The following ZNF385D variants were observed in gnomAD, a reference collection of about 807,000 sequenced individuals.
ZNF385D encodes the protein zinc finger protein 385D, also known as zinc finger protein 659.
Under a neutral mutation model 35.8 loss-of-function variants are expected in ZNF385D, and 15 were observed. The observed-to-expected ratio is 0.42, with a 90% confidence interval of 0.28 to 0.64. The LOEUF is 0.64. Among genes scored for constraint, ZNF385D ranks in the 30% least tolerant of loss-of-function variants. The probability of loss-of-function intolerance (pLI) is 0.23; values close to 1 mark genes in which losing one functional copy is unlikely to be tolerated. For synonymous variants in ZNF385D, 212 were observed against 186.8 expected (o/e 1.13, Z -1.10); for missense variants, 474 against 494.6 (o/e 0.96, Z 0.39).
chr3:21,870,106 A>T (rs1390409951), intron 3 of ZNF385D, among the ~76,000 whole-genome samples: 10 of 152,106 alleles, frequency 6.6e-5, no homozygotes, highest in Non-Finnish European at 1.2e-4. Context: ...ATACACTAAA[A>T]ATGTATAACT....
chr3:21,643,270 C>A (rs898760351), intron 2 of ZNF385D, among the ~76,000 whole-genome samples: 1 of 152,038 alleles, frequency 6.6e-6, no homozygotes, highest in African/African-American at 2.4e-5. Flanking sequence ...AACACCAATC[C>A]TTGGGGTGAA....
chr3:21,753,947 T>G (rs1018888461), upstream of ZNF385D, among the ~76,000 whole-genome samples: 3 of 152,224 alleles, frequency 2.0e-5, no homozygotes, highest in Non-Finnish European at 4.4e-5. Flanking sequence ...TTTGTTTTTA[T>G]GTACCTGGCT....
rs559149624 is a variant in ZNF385D, at chr3:22,172,606, G to A, written c.107-3571C>T. Among the ~76,000 whole-genome samples, 12 of 152,234 alleles carry A rather than the reference G, an allele frequency of 7.9e-5. No homozygotes were observed. In the South Asian group the frequency reaches 1.9e-3, roughly 24 times the overall value. On this transcript the variant is annotated intron_variant, in intron 2 of 5. Coordinates refer to the ZNF385D transcript ENST00000494108. ...CACGCCACCCCTGGCATGGGTCTCT[G>A]CTGGACCCTACAATTCGTGTAACCT... is the stretch of plus-strand genomic sequence containing the variant.
At chr3:21,706,121 A>G (rs1418295865) in intron 1 of ZNF385D, among the ~76,000 whole-genome samples, 1 of 152,236 alleles carries the variant, frequency 6.6e-6, no homozygotes, top group Non-Finnish European at 1.5e-5. Flanking sequence ...CATTGGTTAC[A>G]GGACTAATAA....
At chr3:22,133,170 G>A (rs150158234) in intron 3 of ZNF385D, among the ~76,000 whole-genome samples, 1 of 152,120 alleles carries the variant, frequency 6.6e-6, no homozygotes, top group Non-Finnish European at 1.5e-5. Flanking sequence ...CCTTCCTGGA[G>A]ATATAAACAA....
intron 4 of ZNF385D, among the ~76,000 whole-genome samples, chr3:21,468,496 A>G (rs949817057): frequency 1.2e-4 from 18 of 152,006 alleles, no homozygotes; most frequent in African/African-American, 3.9e-4. Flanking sequence ...ATGCATCACC[A>G]TGTAAATGGG....
chr3:21,464,027 T>C (rs564545196), intron 4 of ZNF385D, among the ~76,000 whole-genome samples: 1 of 152,262 alleles, frequency 6.6e-6, no homozygotes, highest in East Asian at 1.9e-4. Context: ...CTGAGGTAAA[T>C]GCTGCATACA....
chr3:22,339,680 A>G (rs958159288), intron 2 of ZNF385D, among the ~76,000 whole-genome samples: 2 of 152,122 alleles, frequency 1.3e-5, no homozygotes, highest in African/African-American at 4.8e-5. Flanking sequence ...TAGTTTCCCA[A>G]ATTTCTGAAA....
At chr3:21,685,848 C>T (rs2067085601) in intron 1 of ZNF385D, among the ~76,000 whole-genome samples, 1 of 152,116 alleles carries the variant, frequency 6.6e-6, no homozygotes, top group Non-Finnish European at 1.5e-5. Flanking sequence ...CCAAGAAACA[C>T]AGTAAAGTAA....
Position 21,938,301 on chromosome 3 carries a change from G to C in ZNF385D, c.325+230516C>G, listed in dbSNP as rs371864436. 1.9e-3 allele frequency among the ~76,000 whole-genome samples: 293 copies of C among 152,310 alleles called. 4 individuals carry two copies. The South Asian group carries it at 0.027, about 14-fold the overall frequency. The stretch of plus-strand genomic sequence containing the variant: ...GTGACTGACACCGGTGAGCCTGGCA[G>C]ATGAGAGTGACTCAGGGCAGTGTGA... On this transcript the variant is annotated intron_variant, in intron 3 of 5. Transcript: ENST00000494108.
chr3:21,457,207 T>C (rs1216701937), intron 4 of ZNF385D, among the ~76,000 whole-genome samples: 1 of 152,044 alleles, frequency 6.6e-6, no homozygotes, highest in Non-Finnish European at 1.5e-5. Context: ...TAGGAGGAGG[T>C]GGCAGAAAAA....
intron 2 of ZNF385D, among the ~76,000 whole-genome samples, chr3:21,662,381 C>T (rs1227485078): frequency 3.9e-5 from 6 of 152,106 alleles, no homozygotes; most frequent in Non-Finnish European, 8.8e-5. Flanking sequence ...AGTCCAAAAC[C>T]TTAGCATACC....
At chr3:21,946,032 A>C (rs1016069062) in intron 3 of ZNF385D, among the ~76,000 whole-genome samples, 4 of 152,200 alleles carry the variant, frequency 2.6e-5, no homozygotes, top group Admixed American at 2.6e-4. Flanking sequence ...GCATATTCAC[A>C]TGGCAAACTA....
chr3:21,714,263 C>A (rs181449372), intron 1 of ZNF385D, among the ~76,000 whole-genome samples: 297 of 152,294 alleles, frequency 2.0e-3, no homozygotes, highest in African/African-American at 6.9e-3. Context: ...CTGACACTTA[C>A]TGAGCACATT....
chr3:22,109,499 G>A (rs1230049413), intron 3 of ZNF385D, among the ~76,000 whole-genome samples: 2 of 152,116 alleles, frequency 1.3e-5, no homozygotes, highest in Non-Finnish European at 2.9e-5. Context: ...TAGAGCTACT[G>A]ATGTTTGGAA....
At chr3:21,731,956 G>T (rs1046571428) in intron 1 of ZNF385D, among the ~76,000 whole-genome samples, 1 of 146,262 alleles carries the variant, frequency 6.8e-6, no homozygotes, top group African/African-American at 2.5e-5. Context: ...ATCTACTGAA[G>T]AGCATCTTAG....
chr3:21,871,304 ACT>A (rs1384452000), intron 3 of ZNF385D, among the ~76,000 whole-genome samples: 3 of 152,086 alleles, frequency 2.0e-5, no homozygotes, highest in Non-Finnish European at 4.4e-5. Context: ...TTAACCTTGC[ACT>A]CTCATCACAC....
intron 3 of ZNF385D, among the ~76,000 whole-genome samples, chr3:22,147,045 TAG>T (rs1704905110): frequency 6.6e-6 from 1 of 152,186 alleles, no homozygotes; most frequent in African/African-American, 2.4e-5. Flanking sequence ...ACATTGTATT[TAG>T]AGTTACCCAA....
intron 2 of ZNF385D, among the ~76,000 whole-genome samples, chr3:22,252,692 G>C (rs200208402): frequency 6.6e-6 from 1 of 152,088 alleles, no homozygotes; most frequent in African/African-American, 2.4e-5. Flanking sequence ...ACTGAAGGCT[G>C]ATTCAGGTGT....
Sources: allele counts gnomAD v4.1 joint callset (sites outside exome capture counted in the v4.1 genomes callset), GRCh38; gene constraint gnomAD v4.1.1; transcripts MANE v1.5; gene names NCBI Gene and HGNC (gene_info 2026-07-23, HGNC 2026-07-21).